Variants in SETD2 observed in about 807,000 individuals in gnomAD.
SETD2 encodes the protein SET domain containing 2, histone lysine methyltransferase, also known as histone-lysine N-methyltransferase SETD2.
A neutral mutation model predicts 242.1 loss-of-function variants in SETD2; 31 were observed. That is an observed-to-expected ratio of 0.13 (90% CI 0.10 to 0.17). The LOEUF (loss-of-function observed/expected upper bound fraction) is 0.17. Among genes scored for constraint, SETD2 ranks in the 10% least tolerant of loss-of-function variants. The pLI, the probability that SETD2 is intolerant of heterozygous loss-of-function variation, is 1.00. For synonymous variants in SETD2, 1,006 were observed against 1,066.5 expected, an observed-to-expected ratio of 0.94 and a Z score of 1.11; for missense variants, 2,481 against 3,046.3, an observed-to-expected ratio of 0.81 and a Z score of 4.37.
At chr3:47,077,711 C>T (rs1051584767) in intron 12 of SETD2, among the ~76,000 whole-genome samples, 3 of 151,988 alleles carry the variant, frequency 2.0e-5, no homozygotes, top group African/African-American at 4.8e-5. Context: ...TTTCCCAACG[C>T]GAGGAACAAG....
Position 47,120,363 on chromosome 3 carries a change from T to C in SETD2, c.4273A>G (p.Lys1425Glu), listed in dbSNP as rs2107740696. The C allele has an allele frequency of 1.9e-6, 3 of 1,613,266 alleles. No homozygotes were observed. The highest frequency in any genetic ancestry group is 2.5e-6 in the Non-Finnish European group (3 of 1,179,738). Residue 1425 changes from lysine (K) to glutamate (E), a missense_variant, in exon 3 of 21, where the codon AAG becomes GAG. This residue lies in a region of SETD2 where 1,300 missense variants were observed against 1,259.2 expected (regional missense o/e 1.03). Coordinates refer to ENST00000409792, the MANE Select transcript of SETD2 (RefSeq NM_014159.7). ...TGCTCTACCTCCACTCTAACTTTCT[T>C]TCTGTCCTGAAGCTCACCATCACTT... ...SESDGELQDRKKVRVEVEQGE... is the reference protein window; with the variant it reads ...SESDGELQDREKVRVEVEQGE...
At chr3:47,019,449 G>C (rs1051705026) in intron 19 of SETD2, among the ~76,000 whole-genome samples, 10 of 152,132 alleles carry the variant, frequency 6.6e-5, no homozygotes, top group African/African-American at 2.4e-4. Flanking sequence ...TCAAATCACA[G>C]AAGCAAGAGG....
At chr3:47,140,928 G>A (rs1053420297) in intron 1 of SETD2, among the ~76,000 whole-genome samples, 21 of 152,080 alleles carry the variant, frequency 1.4e-4, no homozygotes, top group African/African-American at 5.1e-4. Context: ...CATGAGATAG[G>A]TTTCTGAGGG....
At chr3:47,078,934 T>G (rs1245958159) in intron 12 of SETD2, among the ~76,000 whole-genome samples, 1 of 152,076 alleles carries the variant, frequency 6.6e-6, no homozygotes, top group Non-Finnish European at 1.5e-5. Context: ...TTTGCTTTGT[T>G]GCCCAGGCTG....
At chr3:47,062,466 G>A in intron 13 of SETD2, 120 bp from the exon 14 acceptor site, 1 of 865,164 alleles carries the variant, frequency 1.2e-6, no homozygotes, top group East Asian at 2.5e-5. Context: ...ATGTATCTAT[G>A]GACTCCTCCG....
At chr3:47,018,737 C>A (rs2107492054) in intron 19 of SETD2, among the ~76,000 whole-genome samples, 1 of 152,308 alleles carries the variant, frequency 6.6e-6, no homozygotes, top group African/African-American at 2.4e-5. Context: ...TTCCCGATAA[C>A]CCACAGACAC....
chr3:47,039,758 G>A (rs1193229788), intron 17 of SETD2, among the ~76,000 whole-genome samples: 2 of 145,706 alleles, frequency 1.4e-5, no homozygotes, highest in African/African-American at 5.0e-5. Context: ...GCAGGTGCCT[G>A]TAATCCCTGC....
In SETD2 at chr3:47,150,395, G is replaced by A. The variant is rs139181733; in HGVS notation, c.71+13459C>T. ...GAGGTTCCTCACTTCCTTTTTGCCC[G>A]TAATATTTTGCCCATAATATTTATA... On this transcript the variant is annotated intron_variant, in intron 1 of 20. Transcript: ENST00000409792. Among the ~76,000 whole-genome samples the A allele has an allele frequency of 3.4e-3, 523 of 151,932 alleles. 4 individuals are homozygous for A. Among genetic ancestry groups the A allele is most frequent in the Middle Eastern group, 0.034 (10 of 294 alleles).
intron 15 of SETD2, among the ~76,000 whole-genome samples, chr3:47,053,155 T>C (rs1337616514): frequency 6.6e-6 from 1 of 152,134 alleles, no homozygotes; most frequent in African/African-American, 2.4e-5. Context: ...CCAAACGTGC[T>C]GGGATTACAG....
intron 11 of SETD2, 43 bp from the exon 12 acceptor site, chr3:47,084,425 A>AAT: frequency 8.2e-7 from 1 of 1,220,118 alleles, no homozygotes; most frequent in Non-Finnish European, 1.1e-6. Flanking sequence ...TGTACAGTTG[A>AAT]CTTTTTTTTT....
rs888376502 is a variant in SETD2, at chr3:47,124,008, C to G, written c.628G>C (p.Glu210Gln). Residue 210 changes from glutamate (E) to glutamine (Q), a missense_variant, in exon 3 of 21, where the codon GAG (glutamate) becomes CAG (glutamine). Transcript: ENST00000409792. ...TTLSSPAPVT[E>Q]PVALPHTPIT... The stretch of plus-strand genomic sequence containing the variant: ...GGTGTATGTGGCAAGGCCACTGGCT[C>G]TGTTACTGGTGCTGGTGATGAGAGT... 3.2e-6 allele frequency: 5 copies of G among 1,552,276 alleles called. No individual in the cohort carries two copies. The highest frequency in any genetic ancestry group is 3.9e-5 in the Admixed American group (2 of 51,012).
chr3:47,043,035 T>TA lies in SETD2; in HGVS notation c.7099-336dup, dbSNP rs745775506. Among the ~76,000 whole-genome samples the TA allele has an allele frequency of 7.6e-3, 1,015 of 132,848 alleles. 6 individuals carry two copies. Among genetic ancestry groups the TA allele is most frequent in the African/African-American group, 0.015 (551 of 36,162 alleles). The allele number at this position is 132,848 out of a possible 152,430, so 87.2% of individuals were successfully genotyped here. ...TGGGATACAGAAATATCTTTATCTT[T>TA]AAAAAAAAAAAAAAAGAAAAACCAA... On this transcript the variant is annotated intron_variant, in intron 16 of 20. Coordinates refer to ENST00000409792, the MANE Select transcript of SETD2 (RefSeq NM_014159.7).
At chr3:47,104,730 T>C in intron 6 of SETD2, among the ~76,000 whole-genome samples, 1 of 152,138 alleles carries the variant, frequency 6.6e-6, no homozygotes, top group East Asian at 1.9e-4. Flanking sequence ...AATAGTTAAG[T>C]TCCTATGGCA....
chr3:47,075,135 T>TAAAA (rs199630834), intron 12 of SETD2, among the ~76,000 whole-genome samples: 2 of 126,200 alleles, frequency 1.6e-5, no homozygotes, highest in African/African-American at 5.9e-5. Flanking sequence ...CTCCGTCTCT[T>TAAAA]AAAAAAAAAA....
intron 15 of SETD2, 31 bp from the exon 16 acceptor site, chr3:47,046,652 T>A (rs974850127): frequency 3.1e-6 from 5 of 1,593,024 alleles, no homozygotes; most frequent in East Asian, 4.5e-5. Flanking sequence ...ATCAATAATT[T>A]AAGCTTTTGT....
At chr3:47,127,345 T>C (rs1182962921) in intron 1 of SETD2, among the ~76,000 whole-genome samples, 2 of 114,004 alleles carry the variant, frequency 1.8e-5, no homozygotes, top group African/African-American at 5.5e-5. Flanking sequence ...GTGATGGCTG[T>C]CTTTAAAAAA....
intron 8 of SETD2, among the ~76,000 whole-genome samples, chr3:47,098,988 G>A (rs780837154): frequency 2.0e-4 from 31 of 152,174 alleles, no homozygotes; most frequent in African/African-American, 6.7e-4. Flanking sequence ...AATGGAGCCC[G>A]ACACAGAACC....
chr3:47,062,644 G>T (rs910324943), intron 13 of SETD2, among the ~76,000 whole-genome samples: 1 of 152,136 alleles, frequency 6.6e-6, no homozygotes, highest in African/African-American at 2.4e-5. Context: ...ATGCATGCAA[G>T]ATATTCCCAT....
At chr3:47,048,048 G>GTA (rs1296515944) in intron 15 of SETD2, among the ~76,000 whole-genome samples, 2 of 152,118 alleles carry the variant, frequency 1.3e-5, no homozygotes, top group Non-Finnish European at 2.9e-5. Context: ...TAACTTAACA[G>GTA]TATCTGTGTA....
Sources: allele counts gnomAD v4.1 joint callset (sites outside exome capture counted in the v4.1 genomes callset), GRCh38; gene constraint gnomAD v4.1.1; regional missense constraint gnomAD v4.1.1; transcripts MANE v1.5; gene names NCBI Gene and HGNC (gene_info 2026-07-23, HGNC 2026-07-21).